The following SND1 variants were observed in gnomAD, a reference collection of about 807,000 sequenced individuals.
The protein encoded by SND1 is staphylococcal nuclease and tudor domain containing 1, also known as staphylococcal nuclease domain-containing protein 1.
SND1 carries 38 observed loss-of-function variants against 121.7 expected under a neutral mutation model. The observed-to-expected ratio is 0.31, with a 90% confidence interval of 0.24 to 0.41. SND1 has a LOEUF of 0.41. Among genes scored for constraint, SND1 ranks in the 10% least tolerant of loss-of-function variants. The pLI, the probability that SND1 is intolerant of heterozygous loss-of-function variation, is 1.00. For synonymous variants in SND1, 401 were observed against 447.4 expected, an observed-to-expected ratio of 0.90 and a Z score of 1.31; for missense variants, 868 against 1,184.6, an observed-to-expected ratio of 0.73 and a Z score of 3.92.
At chr7:128,063,106 C>T (rs918338476) in intron 16 of SND1, among the ~76,000 whole-genome samples, 31 of 152,176 alleles carry the variant, frequency 2.0e-4, no homozygotes, top group South Asian at 1.2e-3. Context: ...CTCTGCTCAA[C>T]GTCGTTAGCT....
At chr7:127,835,765 T>C (rs1038328615) in intron 11 of SND1, among the ~76,000 whole-genome samples, 1 of 152,190 alleles carries the variant, frequency 6.6e-6, no homozygotes, top group Non-Finnish European at 1.5e-5. Flanking sequence ...ATCACTATTT[T>C]CAAATAGTGA....
chr7:127,741,380 T>C (rs1027088040), intron 10 of SND1, among the ~76,000 whole-genome samples: 1 of 152,226 alleles, frequency 6.6e-6, no homozygotes, highest in African/African-American at 2.4e-5. Context: ...CCCTTTGTCC[T>C]TTACCTGTTT....
chr7:127,909,373 A>T (rs537596163), intron 14 of SND1, among the ~76,000 whole-genome samples: 2 of 151,720 alleles, frequency 1.3e-5, no homozygotes, highest in African/African-American at 4.8e-5. Context: ...GCTTGGTTTC[A>T]TGCTCATGTC....
intron 12 of SND1, chr7:127,858,015 CT>C: frequency 6.9e-7 from 1 of 1,455,112 alleles, no homozygotes; most frequent in Non-Finnish European, 9.6e-7. Context: ...GGTTCTCCCA[CT>C]TATATTCCCA....
At chr7:128,087,107 T>C in intron 21 of SND1, 56 bp downstream of exon 21, 1 of 1,353,122 alleles carries the variant, frequency 7.4e-7, no homozygotes, top group Non-Finnish European at 1.1e-6. Context: ...ACTTAGCCGC[T>C]GCAGCAGCCC....
chr7:128,056,563 C>T lies in SND1; in HGVS notation c.1780-17939C>T, dbSNP rs947745606. Among the ~76,000 whole-genome samples, 6 of 152,160 alleles carry T rather than the reference C, an allele frequency of 3.9e-5. No homozygotes were observed. In the East Asian group the frequency reaches 7.7e-4, roughly 20 times the overall value. ...CACTGACCTTCTACTGTGTGTCAGG[C>T]GCCATGCTAGGAGTTGGGACCACAA... On this transcript the variant is annotated intron_variant, in intron 16 of 23. Transcript: ENST00000354725.
At chr7:127,813,896 A>G (rs1284790649) in intron 11 of SND1, among the ~76,000 whole-genome samples, 2 of 152,122 alleles carry the variant, frequency 1.3e-5, no homozygotes, top group African/African-American at 2.4e-5. Flanking sequence ...GTATGTTGTA[A>G]TATCCTCTTT....
intron 15 of SND1, among the ~76,000 whole-genome samples, chr7:127,963,279 G>A (rs1801775940): frequency 1.3e-5 from 2 of 149,270 alleles, no homozygotes; most frequent in Admixed American, 6.7e-5. Flanking sequence ...TATACTTTAA[G>A]TTTTAGGGTA....
chr7:127,714,118 C>T (rs1288309590), intron 9 of SND1, among the ~76,000 whole-genome samples: 2 of 152,140 alleles, frequency 1.3e-5, no homozygotes, highest in Admixed American at 6.5e-5. Context: ...ATCATGTCCT[C>T]AAGAGGTGTC....
intron 10 of SND1, among the ~76,000 whole-genome samples, chr7:127,722,520 A>G (rs1234148209): frequency 6.6e-6 from 1 of 152,038 alleles, no homozygotes; most frequent in Non-Finnish European, 1.5e-5. Context: ...TTATACAAAA[A>G]GGATGGGATA....
rs1429742695 is a variant in SND1 at position 127,652,240 on chromosome 7, G to A, written c.-134G>A. On this transcript the variant is annotated 5_prime_UTR_variant, in exon 1 of 24. Coordinates refer to ENST00000354725, the MANE Select transcript of SND1 (RefSeq NM_014390.4). ...TGCTGCTCCTGTGAGCGCCCGGCGA[G>A]TCCGTCCCGTCCACCGTCCGCAGCT... The A allele has an allele frequency of 5.2e-6, 4 of 768,156 alleles. No homozygotes were observed. The highest frequency in any genetic ancestry group is 5.4e-5 in the East Asian group (2 of 37,146). 47.6% of individuals were successfully genotyped at this position (768,156 alleles called of 1,614,324 possible).
At chr7:127,765,213 G>T (rs1453864366) in intron 10 of SND1, among the ~76,000 whole-genome samples, 1 of 152,166 alleles carries the variant, frequency 6.6e-6, no homozygotes, top group South Asian at 2.1e-4. Flanking sequence ...TTTACCCTCA[G>T]TGAGCTCAGA....
intron 3 of SND1, among the ~76,000 whole-genome samples, chr7:127,697,291 C>T (rs567086521): frequency 2.0e-5 from 3 of 152,252 alleles, no homozygotes; most frequent in Non-Finnish European, 4.4e-5. Flanking sequence ...TCGTTGCCTC[C>T]GTTGAGGGTT....
At chr7:127,957,731 G>A (rs775705360) in intron 15 of SND1, among the ~76,000 whole-genome samples, 2 of 151,874 alleles carry the variant, frequency 1.3e-5, no homozygotes, top group East Asian at 3.9e-4. Flanking sequence ...ATGGAGTTTC[G>A]CTCTTGTTGT....
chr7:128,025,721 T>G (rs1382973685), intron 16 of SND1, among the ~76,000 whole-genome samples: 1 of 152,182 alleles, frequency 6.6e-6, no homozygotes, highest in Non-Finnish European at 1.5e-5. Context: ...GGAAACTGCA[T>G]GGATCAAAGG....
intron 12 of SND1, among the ~76,000 whole-genome samples, chr7:127,863,259 G>A (rs1433748763): frequency 1.3e-5 from 2 of 152,148 alleles, no homozygotes; most frequent in Admixed American, 1.3e-4. Context: ...ATCCCACACA[G>A]CTTCTTTCTG....
chr7:128,037,921 A>C (rs780121831), intron 16 of SND1, among the ~76,000 whole-genome samples: 2 of 152,210 alleles, frequency 1.3e-5, no homozygotes, highest in African/African-American at 2.4e-5. Context: ...AGCGTTTACC[A>C]GTAGTAACAC....
At chr7:128,016,279 A>G (rs1220819865) in intron 16 of SND1, among the ~76,000 whole-genome samples, 3 of 151,836 alleles carry the variant, frequency 2.0e-5, no homozygotes, top group Non-Finnish European at 4.4e-5. Flanking sequence ...CACCCTGCCC[A>G]ACAAACCTTT....
chr7:127,663,869 A>G (rs1271071965), intron 1 of SND1, among the ~76,000 whole-genome samples: 1 of 152,210 alleles, frequency 6.6e-6, no homozygotes, highest in East Asian at 1.9e-4. Context: ...AGGCAAAATC[A>G]TGTGAGAGAA....
Sources: gnomAD v4.1 joint callset for allele counts (sites outside exome capture counted in the v4.1 genomes callset) on GRCh38, gnomAD v4.1.1 for gene constraint, MANE v1.5 for transcripts, NCBI Gene and HGNC (gene_info 2026-07-23, HGNC 2026-07-21) for gene names.